CLASP2: variants seen among roughly 807,000 people sequenced by gnomAD.
CLASP2 encodes the protein CLIP-associating protein 2.
Under a neutral mutation model 194.4 loss-of-function variants are expected in CLASP2, and 47 were observed. The observed-to-expected ratio is 0.24, with a 90% confidence interval of 0.19 to 0.31. The LOEUF (loss-of-function observed/expected upper bound fraction) is 0.31. CLASP2 is among the 10% of genes least tolerant of loss of function. CLASP2 has a pLI of 1.00. For synonymous variants in CLASP2, 619 were observed against 633.5 expected, an observed-to-expected ratio of 0.98 and a Z score of 0.34; for missense variants, 1,445 against 1,823.6, an observed-to-expected ratio of 0.79 and a Z score of 3.78.
chr3:33,574,364 G>T, intron 24 of CLASP2: 1 of 664,142 alleles, frequency 1.5e-6, no homozygotes, highest in Non-Finnish European at 2.5e-6. Flanking sequence ...GTATGTCTAA[G>T]GATTTTACTT....
chr3:33,564,424 T>A lies in CLASP2; in HGVS notation c.2766+2308A>T, dbSNP rs73826758. ...AGCCCTTTATTCTCACTCTGACATA[T>A]CCAAAGCTTATGTTCTATTAAGATC... On this transcript the variant is annotated intron_variant, in intron 27 of 38. Coordinates refer to ENST00000682230, the MANE Select transcript of CLASP2 (RefSeq NM_001365631.1). 3.0e-3 allele frequency among the ~76,000 whole-genome samples: 451 copies of A among 152,270 alleles called. 4 individuals are homozygous for A. The highest frequency in any genetic ancestry group is 0.01 in the African/African-American group (426 of 41,550).
At chr3:33,684,941 G>A (rs895770109) in intron 5 of CLASP2, among the ~76,000 whole-genome samples, 3 of 151,920 alleles carry the variant, frequency 2.0e-5, no homozygotes, top group African/African-American at 7.3e-5. Context: ...GGTGGAGGTT[G>A]CAGTGAGCCA....
intron 8 of CLASP2, among the ~76,000 whole-genome samples, chr3:33,639,049 T>A (rs1441286855): frequency 1.8e-4 from 27 of 152,176 alleles, no homozygotes. Flanking sequence ...AAACCATGAA[T>A]TAAACATTCC....
At chr3:33,562,718 A>G (rs1436680512) in intron 27 of CLASP2, among the ~76,000 whole-genome samples, 1 of 152,208 alleles carries the variant, frequency 6.6e-6, no homozygotes, top group Non-Finnish European at 1.5e-5. Context: ...TACAACCTCT[A>G]GCTTTCCTAT....
At chr3:33,668,517 T>G (rs995790560) in intron 6 of CLASP2, among the ~76,000 whole-genome samples, 2 of 152,108 alleles carry the variant, frequency 1.3e-5, no homozygotes, top group African/African-American at 4.8e-5. Context: ...TATATGGTAG[T>G]GGAAAAAGGG....
At chr3:33,627,230 A>T (rs1280036066) in intron 9 of CLASP2, 150 bp from the exon 10 acceptor site, 7 of 655,906 alleles carry the variant, frequency 1.1e-5, no homozygotes, top group Non-Finnish European at 1.4e-5. Context: ...CATTATAGAC[A>T]ATAATAACAC....
At chr3:33,612,159 T>C in intron 12 of CLASP2, 88 bp from the exon 13 acceptor site, 1 of 815,988 alleles carries the variant, frequency 1.2e-6, no homozygotes, top group Non-Finnish European at 2.0e-6. Flanking sequence ...AGTATTTAGT[T>C]ATGTTACAAG....
intron 32 of CLASP2, among the ~76,000 whole-genome samples, chr3:33,542,634 T>A (rs2058548184): frequency 6.7e-6 from 1 of 148,494 alleles, no homozygotes; most frequent in African/African-American, 2.4e-5. Context: ...TATATGTAAT[T>A]CATTATATAT....
intron 37 of CLASP2, chr3:33,505,151 GA>G (rs2047791727): frequency 6.6e-6 from 1 of 152,004 alleles, no homozygotes. Flanking sequence ...CTCCACTTAG[GA>G]AGCCACTTCA....
rs1004384825 is a variant in CLASP2 at position 33,498,149 on chromosome 3, C to T, written c.*482G>A. On this transcript the variant is annotated 3_prime_UTR_variant, in exon 39 of 39. Transcript: ENST00000682230. ...AGTTCAAATTAGTCCTGCTTTGTTT[C>T]ACATCATTTAAATATTTCTAGCATA... 1 of 152,712 alleles carries T rather than the reference C, an allele frequency of 6.5e-6. No homozygotes were observed. The highest frequency in any genetic ancestry group is 3.2e-3 in the Middle Eastern group (1 of 316). The allele number at this position is 152,712 out of a possible 1,614,324, so 9.5% of individuals were successfully genotyped here. A position where few individuals can be genotyped will look rare whatever the true frequency, so the allele number is the denominator to read the frequency against.
intron 32 of CLASP2, among the ~76,000 whole-genome samples, chr3:33,542,387 T>A (rs964120793): frequency 6.7e-6 from 1 of 148,274 alleles, no homozygotes; most frequent in African/African-American, 2.5e-5. Flanking sequence ...ATAATAACTA[T>A]GATTCATTAC....
intron 13 of CLASP2, among the ~76,000 whole-genome samples, chr3:33,611,433 T>A (rs1377231176): frequency 1.3e-5 from 2 of 152,168 alleles, no homozygotes; most frequent in African/African-American, 4.8e-5. Flanking sequence ...TAAATACTAA[T>A]ATCATTTTCT....
In CLASP2 at chr3:33,718,035, G is replaced by A; in HGVS notation, c.-33C>T. On this transcript the variant is annotated 5_prime_UTR_variant, in exon 1 of 39. Transcript: ENST00000682230. ...GCCGCCCGCCCGCCTGCCAGTCTGT[G>A]AGCGGCCAACTTTCGCCGAGAGCCG... 6.9e-7 allele frequency: 1 copy of A among 1,451,600 alleles called. No homozygotes were observed. Among genetic ancestry groups the A allele is most frequent in the East Asian group, 2.6e-5 (1 of 38,514 alleles). The allele number at this position is 1,451,600 out of a possible 1,614,324, so 89.9% of individuals were successfully genotyped here.
At chr3:33,577,016 C>T (rs1257537122) in intron 23 of CLASP2, among the ~76,000 whole-genome samples, 1 of 149,378 alleles carries the variant, frequency 6.7e-6, no homozygotes, top group African/African-American at 2.5e-5. Flanking sequence ...GAGAAAAATG[C>T]TCAATACAGT....
Position 33,498,321 on chromosome 3 carries a change from C to T in CLASP2, c.*310G>A. On this transcript the variant is annotated 3_prime_UTR_variant, in exon 39 of 39. Transcript: ENST00000682230. ...TTTAAAAAAATTTATACAATCATAA[C>T]ACTGGCAAAGGTTAATGGGAAGACA... is the stretch of plus-strand genomic sequence containing the variant. The T allele has an allele frequency of 4.6e-6, 1 of 217,834 alleles. No individual in the cohort carries two copies. Among genetic ancestry groups the T allele is most frequent in the Non-Finnish European group, 9.0e-6 (1 of 111,578 alleles). The allele number at this position is 217,834 out of a possible 1,614,324, so 13.5% of individuals were successfully genotyped here.
intron 34 of CLASP2, among the ~76,000 whole-genome samples, chr3:33,520,622 A>G (rs9862261): frequency 0.39 from 58,695 of 151,866 alleles, 11,579 homozygotes; most frequent in Admixed American, 0.51. Context: ...TAAGGAGGTA[A>G]TAGCAGAGAT....
chr3:33,710,798 G>A (rs2092965168), intron 1 of CLASP2, among the ~76,000 whole-genome samples: 1 of 152,080 alleles, frequency 6.6e-6, no homozygotes, highest in Admixed American at 6.5e-5. Flanking sequence ...AGCTGGGCAT[G>A]GTGGCATACA....
At chr3:33,551,127 A>T (rs2059954344) in intron 30 of CLASP2, 125 bp downstream of exon 30, 1 of 742,862 alleles carries the variant, frequency 1.3e-6, no homozygotes, top group Non-Finnish European at 2.0e-6. Flanking sequence ...AAGATTTTTT[A>T]AAAAGCTCTT....
At chr3:33,603,154 T>C (rs754068990) in intron 17 of CLASP2, 29 bp from the exon 18 acceptor site, 15 of 1,514,294 alleles carry the variant, frequency 9.9e-6, no homozygotes, top group East Asian at 4.8e-5. Context: ...AGATAACTTA[T>C]ATCATTTAAA....
Sources: gnomAD v4.1 joint callset for allele counts (sites outside exome capture counted in the v4.1 genomes callset) on GRCh38, gnomAD v4.1.1 for gene constraint, MANE v1.5 for transcripts, NCBI Gene and HGNC (gene_info 2026-07-23, HGNC 2026-07-21) for gene names.